The following C1QTNF3 variants were observed in gnomAD, a reference collection of about 807,000 sequenced individuals.
C1QTNF3 encodes the protein complement C1q tumor necrosis factor-related protein 3.
A neutral mutation model predicts 32.6 loss-of-function variants in C1QTNF3; 26 were observed. The ratio of observed to expected loss-of-function variants is 0.80; its 90% CI spans 0.58 to 1.11. The LOEUF is 1.11. Ranked by LOEUF, C1QTNF3 falls within the 50% of genes least tolerant of loss-of-function variation. The pLI is 0.00. For synonymous variants in C1QTNF3, 155 were observed against 146.0 expected (o/e 1.06, Z -0.44); for missense variants, 362 against 398.2 (o/e 0.91, Z 0.77).
chr5:34,056,599 A>G, the C1QTNF3 span, among the ~76,000 whole-genome samples: 2 of 148,858 alleles, frequency 1.3e-5, no homozygotes, highest in East Asian at 4.0e-4. Context: ...TGCAGCCTTG[A>G]CCTCCCGGGC....
At chr5:34,224,829 G>T in the C1QTNF3 span, among the ~76,000 whole-genome samples, 18,069 of 152,082 alleles carry the variant, frequency 0.12, 2,894 homozygotes, top group African/African-American at 0.37. Flanking sequence ...AAGAGCTTCT[G>T]CACAGCAAAA....
chr5:34,095,875 G>C, the C1QTNF3 span, among the ~76,000 whole-genome samples: 1 of 150,018 alleles, frequency 6.7e-6, no homozygotes, highest in Non-Finnish European at 1.5e-5. Context: ...AAGATCAAGA[G>C]AATACCACAG....
chr5:34,147,146 A>AT, the C1QTNF3 span, among the ~76,000 whole-genome samples: 1 of 126,174 alleles, frequency 7.9e-6, no homozygotes, highest in South Asian at 2.5e-4. Context: ...AGTAAAAAAA[A>AT]TAATAATAAT....
chr5:34,226,315 GAAC>G, the C1QTNF3 span, among the ~76,000 whole-genome samples: 1 of 151,736 alleles, frequency 6.6e-6, no homozygotes, highest in Non-Finnish European at 1.5e-5. Context: ...CCAAACTTGT[GAAC>G]AAAAAACAGC....
rs1036304282 is a variant in C1QTNF3 at position 34,018,188 on chromosome 5, A to G, written c.*2395T>C. Among the ~76,000 whole-genome samples, 96 of 152,082 alleles carry G rather than the reference A, an allele frequency of 6.3e-4. No homozygotes were observed. The highest frequency in any genetic ancestry group is 2.2e-3 in the African/African-American group (92 of 41,542). On this transcript the variant is annotated 3_prime_UTR_variant, in exon 6 of 6. Coordinates refer to ENST00000382065, the MANE Select transcript of C1QTNF3 (RefSeq NM_181435.6). Reference sequence around the variant, plus strand: ...TTATTTAATATTTGATGGGATGATTAATTTTATACTAAATATTTTGGGGAA... The same window carrying G: ...TTATTTAATATTTGATGGGATGATTGATTTTATACTAAATATTTTGGGGAA...
intron 1 of C1QTNF3, among the ~76,000 whole-genome samples, chr5:34,038,706 C>CT (rs1215961532): frequency 1.3e-5 from 2 of 152,130 alleles, no homozygotes; most frequent in Non-Finnish European, 2.9e-5. Context: ...CTCAGACAGG[C>CT]TTTTTTTCTA....
At chr5:34,039,300 G>A (rs146937892) in intron 1 of C1QTNF3, among the ~76,000 whole-genome samples, 56 of 152,268 alleles carry the variant, frequency 3.7e-4, no homozygotes, top group African/African-American at 1.3e-3. Context: ...AGGTCAAACC[G>A]TGCACTTGTC....
the C1QTNF3 span, among the ~76,000 whole-genome samples, chr5:34,091,398 T>A: frequency 1.3e-5 from 2 of 152,282 alleles, no homozygotes; most frequent in African/African-American, 4.8e-5. Flanking sequence ...TTGTTTCCTC[T>A]TTGCCTGGAC....
chr5:34,130,271 CATT>C, the C1QTNF3 span, among the ~76,000 whole-genome samples: 1 of 152,086 alleles, frequency 6.6e-6, no homozygotes, highest in Non-Finnish European at 1.5e-5. Context: ...ATAAAGGAGT[CATT>C]TTTTTCTATT....
At chr5:34,100,073 G>A in the C1QTNF3 span, among the ~76,000 whole-genome samples, 1 of 151,438 alleles carries the variant, frequency 6.6e-6, no homozygotes, top group African/African-American at 2.4e-5. Flanking sequence ...TGGAGGCTGG[G>A]AAGTCCAATG....
At chr5:34,163,910 G>C in the C1QTNF3 span, among the ~76,000 whole-genome samples, 18 of 152,124 alleles carry the variant, frequency 1.2e-4, no homozygotes, top group African/African-American at 4.3e-4. Flanking sequence ...GGTTTGTGTT[G>C]ATATGTTAAA....
At chr5:34,225,372 T>C in the C1QTNF3 span, among the ~76,000 whole-genome samples, 16 of 152,086 alleles carry the variant, frequency 1.1e-4, no homozygotes, top group African/African-American at 3.6e-4. Context: ...CTTTGATTCA[T>C]TTGGAATTCG....
intron 1 of C1QTNF3, among the ~76,000 whole-genome samples, chr5:34,038,485 C>G (rs1384051351): frequency 1.3e-5 from 2 of 152,176 alleles, no homozygotes; most frequent in Non-Finnish European, 2.9e-5. Context: ...GATCCAAGGT[C>G]TCTCTCTGAC....
At chr5:34,187,654 A>G in the C1QTNF3 span, among the ~76,000 whole-genome samples, 1 of 152,310 alleles carries the variant, frequency 6.6e-6, no homozygotes, top group East Asian at 1.9e-4. Context: ...AGTCAAAATA[A>G]GAATTTTTTT....
the C1QTNF3 span, among the ~76,000 whole-genome samples, chr5:34,169,620 T>C: frequency 1.3e-5 from 2 of 152,164 alleles, no homozygotes; most frequent in African/African-American, 4.8e-5. Flanking sequence ...TTGGTTTTTG[T>C]TTTTCTTGTT....
chr5:34,051,667 G>A, the C1QTNF3 span, among the ~76,000 whole-genome samples: 18 of 152,268 alleles, frequency 1.2e-4, no homozygotes, highest in Non-Finnish European at 2.6e-4. Context: ...GAGAAGGCAG[G>A]GTACTTCCTC....
upstream of C1QTNF3, among the ~76,000 whole-genome samples, chr5:34,044,865 C>T (rs185535123): frequency 4.1e-4 from 62 of 152,278 alleles, no homozygotes; most frequent in African/African-American, 1.5e-3. Flanking sequence ...TCATGTCCAC[C>T]ATTAAAAGGT....
the C1QTNF3 span, among the ~76,000 whole-genome samples, chr5:34,140,524 T>A: frequency 6.6e-6 from 1 of 152,250 alleles, no homozygotes; most frequent in Non-Finnish European, 1.5e-5. Context: ...AATATTCGTA[T>A]GAGAAATAAG....
At chr5:34,147,639 G>GA in the C1QTNF3 span, among the ~76,000 whole-genome samples, 2 of 151,826 alleles carry the variant, frequency 1.3e-5, no homozygotes, top group African/African-American at 4.8e-5. Context: ...ATAAACATGG[G>GA]AAAAAGAGAC....
Sources: gnomAD v4.1 joint callset for allele counts (sites outside exome capture counted in the v4.1 genomes callset) on GRCh38, gnomAD v4.1.1 for gene constraint, MANE v1.5 for transcripts, NCBI Gene and HGNC (gene_info 2026-07-23, HGNC 2026-07-21) for gene names.